ADCY10: variants seen among roughly 807,000 people sequenced by gnomAD.
ADCY10 encodes adenylate cyclase 10, also known as adenylate cyclase type 10.
In ADCY10, 156 loss-of-function variants were observed where a neutral mutation model predicts 183.3. The observed-to-expected ratio is 0.85, with a 90% CI of 0.75 to 0.97. The LOEUF (loss-of-function observed/expected upper bound fraction) is 0.97, where lower values mean the gene tolerates loss of function less well. Among genes scored for constraint, ADCY10 ranks in the 50% least tolerant of loss-of-function variants. The pLI, the probability that ADCY10 is intolerant of heterozygous loss-of-function variation, is 0.00. For missense variants in ADCY10, 1,745 were observed against 1,934.3 expected (o/e 0.90, Z 1.84); for synonymous variants, 645 against 670.0 (o/e 0.96, Z 0.58).
Position 167,818,206 on chromosome 1 carries a change from A to G in ADCY10, c.4348T>C (p.Leu1450=). Reference sequence around the variant, plus strand: ...GTAAGTGTCATGGTTCTTCTTGGCAAAAGATTTTTAGCTCTATTGGAAAAT... The same window carrying G: ...GTAAGTGTCATGGTTCTTCTTGGCAGAAGATTTTTAGCTCTATTGGAAAAT... ...YKFSNRAKNL[L]PRRTMTLTYY... Residue 1450 remains leucine, a synonymous_variant, in exon 31 of 33, where the codon TTG becomes CTG. Coordinates refer to ENST00000367851, the MANE Select transcript of ADCY10 (RefSeq NM_018417.6). 6.2e-7 allele frequency: 1 copy of G among 1,614,204 alleles called. No homozygotes were observed. Among genetic ancestry groups the G allele is most frequent in the Non-Finnish European group, 8.5e-7 (1 of 1,180,030 alleles).
chr1:167,858,580 A>G (rs1425462985), intron 16 of ADCY10, among the ~76,000 whole-genome samples: 2 of 151,786 alleles, frequency 1.3e-5, no homozygotes, highest in East Asian at 3.9e-4. Flanking sequence ...GAATGGCAAT[A>G]TGCCATAATA....
chr1:167,820,426 T>C, intron 30 of ADCY10: 1 of 515,898 alleles, frequency 1.9e-6, no homozygotes, highest in Non-Finnish European at 3.4e-6. Flanking sequence ...CTCCAGGTGA[T>C]TTTTATGCCC....
intron 21 of ADCY10, among the ~76,000 whole-genome samples, chr1:167,841,581 T>G (rs867906695): frequency 7.0e-6 from 1 of 141,876 alleles, no homozygotes; most frequent in African/African-American, 2.8e-5. Flanking sequence ...GAACATGGCT[T>G]ACTGCAGTCT....
intron 16 of ADCY10, among the ~76,000 whole-genome samples, chr1:167,857,127 C>CGTCAACCA (rs1665971134): frequency 6.6e-6 from 1 of 152,182 alleles, no homozygotes; most frequent in Admixed American, 6.5e-5. Flanking sequence ...TACATTTTAG[C>CGTCAACCA]GTCAACCACT....
At chr1:167,873,511 T>C (rs1667244689) in intron 13 of ADCY10, among the ~76,000 whole-genome samples, 1 of 152,198 alleles carries the variant, frequency 6.6e-6, no homozygotes, top group African/African-American at 2.4e-5. Flanking sequence ...GGGATGTTCG[T>C]GTCTGACAGA....
At chr1:167,846,409 G>T in intron 19 of ADCY10, 146 bp from the exon 20 acceptor site, 1 of 989,236 alleles carries the variant, frequency 1.0e-6, no homozygotes, top group Non-Finnish European at 1.6e-6. Context: ...AGAAGTATTT[G>T]TTTAGTACCT....
chr1:167,815,115 ACT>A (rs1295615419), intron 31 of ADCY10, among the ~76,000 whole-genome samples: 3 of 152,026 alleles, frequency 2.0e-5, no homozygotes, highest in Admixed American at 6.5e-5. Context: ...ACAGAGTGAG[ACT>A]CTGTCTCCAA....
chr1:167,894,734 C>T (rs1302470066), intron 7 of ADCY10, among the ~76,000 whole-genome samples: 1 of 152,072 alleles, frequency 6.6e-6, no homozygotes. Context: ...CAGTGAATTA[C>T]TGAACCTGAG....
chr1:167,912,157 C>A (rs1319071088), intron 1 of ADCY10, among the ~76,000 whole-genome samples: 2 of 152,042 alleles, frequency 1.3e-5, no homozygotes. Flanking sequence ...TTATTATGAC[C>A]TTTTTATGTG....
In ADCY10 at chr1:167,836,519, C is replaced by A. The variant is rs141514440; in HGVS notation, c.3099G>T (p.Lys1033Asn). 1.2e-6 allele frequency: 2 copies of A among 1,610,404 alleles called. No individual in the cohort carries two copies. Among genetic ancestry groups the A allele is most frequent in the East Asian group, 2.2e-5 (1 of 44,858 alleles). ...AAACGTGGTCAAAGAAATTCAAGAT[C>A]TTTTCTCTTATTTCTTCAGGACTGT... ...ENRSPEEIRE[K>N]ILNFFDHVLT... is the part of the protein sequence containing the mutation. The change falls in exon 23 of 33, where the codon AAG (lysine) becomes AAT (asparagine). Residue 1033 changes from lysine to asparagine, a missense_variant. Coordinates refer to ENST00000367851, the MANE Select transcript of ADCY10 (RefSeq NM_018417.6).
intron 31 of ADCY10, among the ~76,000 whole-genome samples, chr1:167,816,551 AAAG>A (rs1344730302): frequency 2.6e-5 from 4 of 152,144 alleles, no homozygotes; most frequent in Non-Finnish European, 5.9e-5. Context: ...ATTTCAAAAA[AAAG>A]AGAAAAACAA....
intron 14 of ADCY10, among the ~76,000 whole-genome samples, chr1:167,869,623 C>T (rs1417215598): frequency 6.6e-6 from 1 of 152,160 alleles, no homozygotes; most frequent in African/African-American, 2.4e-5. Context: ...AGATTCCACA[C>T]ATTGTATGGA....
chr1:167,893,904 A>G lies in ADCY10; in HGVS notation c.777T>C (p.Pro259=). 2 of 1,613,698 alleles carry G rather than the reference A, an allele frequency of 1.2e-6. No homozygotes were observed. The highest frequency in any genetic ancestry group is 3.3e-4 in the Middle Eastern group (2 of 6,060). The part of the protein sequence containing the change: ...LRLACTLKPD[P]ELEMSLQKYV... Reference sequence around the variant, plus strand: ...ACTTTTGTAGGGACATCTCCAGTTCAGGATCAGGCTTCAGCGTGCATGCAA... The same window carrying G: ...ACTTTTGTAGGGACATCTCCAGTTCGGGATCAGGCTTCAGCGTGCATGCAA... Residue 259 remains proline, a synonymous_variant, in exon 8 of 33, where the codon CCT becomes CCC. Transcript: ENST00000367851.
intron 18 of ADCY10, among the ~76,000 whole-genome samples, chr1:167,852,436 T>G (rs1665568829): frequency 1.3e-5 from 2 of 151,832 alleles, no homozygotes; most frequent in South Asian, 4.2e-4. Context: ...AGAGTGAGAC[T>G]CTGTCTCAAA....
Position 167,893,875 on chromosome 1 carries a change from A to C in ADCY10, c.806T>G (p.Val269Gly). The C allele has an allele frequency of 6.2e-7, 1 of 1,613,446 alleles. No individual in the cohort carries two copies. Residue 269 changes from valine (V) to glycine (G), a missense_variant, in exon 8 of 33, where the codon GTG becomes GGG. Physicochemically the swap from Val to Gly is moderately radical, Grantham distance 109. Coordinates refer to ENST00000367851, the MANE Select transcript of ADCY10 (RefSeq NM_018417.6). ...PELEMSLQKYVMESILKQIDN... is the reference protein window; with the variant it reads ...PELEMSLQKYGMESILKQIDN... ...TACCTGCTTCAAAATGCTTTCCATC[A>C]CATACTTTTGTAGGGACATCTCCAG...
rs750859045 is a variant in ADCY10, at chr1:167,878,635, A to T, written c.1217T>A (p.Val406Asp). Residue 406 changes from valine to aspartate, a missense_variant and splice_region_variant, in exon 12 of 33, where the codon GTC becomes GAC. Physicochemically the swap from Val to Asp is radical, Grantham distance 152. Transcript: ENST00000367851. Reference sequence around the variant, plus strand: ...AGCTAAGTTGACTTTTTGACCAATGACTATAGCAAGAAAGAGAAAGTCAAA... The same window carrying T: ...AGCTAAGTTGACTTTTTGACCAATGTCTATAGCAAGAAAGAGAAAGTCAAA... ...VGHTVRHEYT[V>D]IGQKVNLAAR... 9 of 1,613,852 alleles carry T rather than the reference A, an allele frequency of 5.6e-6. No homozygotes were observed. The highest frequency in any genetic ancestry group is 7.6e-6 in the Non-Finnish European group (9 of 1,179,884).
chr1:167,878,664 C>T (rs766782903), intron 11 of ADCY10, 29 bp from the exon 12 acceptor site: 1 of 1,605,316 alleles, frequency 6.2e-7, no homozygotes, highest in South Asian at 1.1e-5. Context: ...AGTCAAAGAT[C>T]AGGGAAATAA....
intron 12 of ADCY10, among the ~76,000 whole-genome samples, chr1:167,876,842 G>A (rs1667502889): frequency 6.6e-6 from 1 of 152,170 alleles, no homozygotes; most frequent in Non-Finnish European, 1.5e-5. Context: ...ATAGGAAGAG[G>A]CTTGAAAAAT....
rs1663129134 is a variant in ADCY10 at position 167,824,460 on chromosome 1, G to A, written c.4052+16C>T. 6.2e-7 allele frequency: 1 copy of A among 1,610,526 alleles called. No individual in the cohort carries two copies. Among genetic ancestry groups the A allele is most frequent in the African/African-American group, 1.3e-5 (1 of 74,832 alleles). The stretch of plus-strand genomic sequence containing the variant: ...CCTCCTCCCCCTAATTTTGGAAAAT[G>A]CTTTAAGATAAATACCTGCTGTTCA... On this transcript the variant is annotated intron_variant, in intron 28 of 32. Transcript: ENST00000367851.
Sources: allele counts gnomAD v4.1 joint callset (sites outside exome capture counted in the v4.1 genomes callset), GRCh38; gene constraint gnomAD v4.1.1; transcripts MANE v1.5; gene names NCBI Gene and HGNC (gene_info 2026-07-23, HGNC 2026-07-21).